The following EML4 variants were observed in gnomAD, a reference collection of about 807,000 sequenced individuals.
EML4 encodes the protein echinoderm microtubule-associated protein-like 4.
EML4 carries 72 observed loss-of-function variants against 129.0 expected under a neutral mutation model. That is an observed-to-expected ratio of 0.56 (90% confidence interval 0.46 to 0.68). The LOEUF (loss-of-function observed/expected upper bound fraction) is 0.68. Among genes scored for constraint, EML4 ranks in the 30% least tolerant of loss-of-function variants. EML4 has a pLI of 0.00. For missense variants in EML4, 1,363 were observed against 1,190.6 expected (o/e 1.14, Z -2.13); for synonymous variants, 532 against 405.0 (o/e 1.31, Z -3.77).
At chr2:42,226,609 A>T (rs1214444539) in intron 1 of EML4, among the ~76,000 whole-genome samples, 3 of 152,046 alleles carry the variant, frequency 2.0e-5, no homozygotes, top group African/African-American at 7.2e-5. Context: ...GTGAGGTGAG[A>T]TCGTGCCATT....
At chr2:42,278,917 C>T (rs1666842701) in intron 6 of EML4, among the ~76,000 whole-genome samples, 2 of 144,584 alleles carry the variant, frequency 1.4e-5, no homozygotes, top group Admixed American at 1.4e-4. Context: ...GCCTGGGCAA[C>T]AAGAGCGAAA....
At chr2:42,305,510 T>C (rs1668547686) in intron 17 of EML4, among the ~76,000 whole-genome samples, 1 of 152,250 alleles carries the variant, frequency 6.6e-6, no homozygotes, top group Non-Finnish European at 1.5e-5. Flanking sequence ...GTTTGTGCTA[T>C]ACCTTTTGCC....
intron 1 of EML4, among the ~76,000 whole-genome samples, chr2:42,232,129 C>T (rs1361384683): frequency 6.6e-6 from 1 of 152,008 alleles, no homozygotes; most frequent in Admixed American, 6.6e-5. Flanking sequence ...GATTCTTAAT[C>T]ATAGAAACAG....
intron 17 of EML4, among the ~76,000 whole-genome samples, chr2:42,313,776 A>C (rs1336254281): frequency 2.6e-5 from 4 of 151,840 alleles, no homozygotes; most frequent in Non-Finnish European, 5.9e-5. Context: ...AAAAATACAG[A>C]AAATTATCTG....
intron 1 of EML4, chr2:42,170,158 A>C (rs1670183598): frequency 6.5e-6 from 1 of 152,750 alleles, no homozygotes; most frequent in Non-Finnish European, 1.5e-5. Context: ...CCAAGTCTTC[A>C]CTTTAGATTT....
At chr2:42,182,467 A>G (rs1343932628) in intron 1 of EML4, among the ~76,000 whole-genome samples, 2 of 151,952 alleles carry the variant, frequency 1.3e-5, no homozygotes, top group South Asian at 2.1e-4. Flanking sequence ...GATACCCTGC[A>G]CTAAACTGAC....
chr2:42,310,035 C>T (rs1309935322), intron 17 of EML4, among the ~76,000 whole-genome samples: 1 of 152,118 alleles, frequency 6.6e-6, no homozygotes, highest in Admixed American at 6.6e-5. Flanking sequence ...AGGTGTCCAA[C>T]TTCATTCTTT....
At chr2:42,215,603 A>G (rs2104058923) in intron 1 of EML4, among the ~76,000 whole-genome samples, 1 of 152,260 alleles carries the variant, frequency 6.6e-6, no homozygotes, top group South Asian at 2.1e-4. Flanking sequence ...AAGATTCTGT[A>G]ATTAACATTT....
intron 1 of EML4, among the ~76,000 whole-genome samples, chr2:42,195,487 G>A (rs1177664471): frequency 1.3e-5 from 2 of 151,934 alleles, no homozygotes; most frequent in Non-Finnish European, 1.5e-5. Context: ...TGTGAAATCC[G>A]TTTGTTAGGT....
rs1223550905 is a variant in EML4, at chr2:42,330,838, A to G, written c.*631A>G. The G allele has an allele frequency of 5.3e-5, 11 of 209,420 alleles. No individual in the cohort carries two copies. The East Asian group carries it at 6.8e-4, about 13-fold the overall frequency. 13.0% of individuals were successfully genotyped at this position (209,420 alleles called of 1,614,324 possible). A position where few individuals can be genotyped will look rare whatever the true frequency, so the allele number is the denominator to read the frequency against. On this transcript the variant is annotated 3_prime_UTR_variant, in exon 23 of 23. Transcript: ENST00000318522. ...CTACTAGAGAGGTGCTGCCTTTTCTAAGTCATAATGAGGAACAGTCCCTTA... is the reference window on the plus strand; with the variant it reads ...CTACTAGAGAGGTGCTGCCTTTTCTGAGTCATAATGAGGAACAGTCCCTTA...
At position 42,295,378 on chromosome 2, in the gene EML4, T is replaced by C; in HGVS notation, c.1354-3T>C. 1 of 1,608,376 alleles carries C rather than the reference T, an allele frequency of 6.2e-7. No homozygotes were observed. Among genetic ancestry groups the C allele is most frequent in the Non-Finnish European group, 8.5e-7 (1 of 1,178,728 alleles). On this transcript the variant is annotated splice_region_variant and splice_polypyrimidine_tract_variant and intron_variant, in intron 12 of 22. Transcript: ENST00000318522. ...ACTGAAAATTTTTATTGTTTCCTTG[T>C]AGAAATATGAAAAGCCAAAATTTGT... is the stretch of plus-strand genomic sequence containing the variant.
intron 1 of EML4, among the ~76,000 whole-genome samples, chr2:42,195,263 A>G (rs762215889): frequency 2.0e-4 from 30 of 152,336 alleles, no homozygotes; most frequent in South Asian, 4.1e-4. Context: ...ACATTAGAGC[A>G]TATGCCTTAC....
intron 1 of EML4, among the ~76,000 whole-genome samples, chr2:42,245,061 T>A (rs1308725728): frequency 6.8e-6 from 1 of 148,014 alleles, no homozygotes; most frequent in Non-Finnish European, 1.5e-5. Flanking sequence ...CATGATGAGA[T>A]GTTATGGAGT....
At chr2:42,289,976 A>G (rs907527108) in intron 11 of EML4, 2 of 151,300 alleles carry the variant, frequency 1.3e-5, no homozygotes, top group African/African-American at 4.9e-5. Flanking sequence ...AACCCCAGCT[A>G]CCCTGGAGGC....
chr2:42,178,305 G>A (rs937465279), intron 1 of EML4, among the ~76,000 whole-genome samples: 1 of 152,038 alleles, frequency 6.6e-6, no homozygotes, highest in Non-Finnish European at 1.5e-5. Context: ...CACTTTGGGA[G>A]GCCAGGGTAG....
chr2:42,268,524 A>T lies in EML4; in HGVS notation c.667+3793A>T, dbSNP rs141207954. On this transcript the variant is annotated intron_variant, in intron 6 of 22. Coordinates refer to ENST00000318522, the MANE Select transcript of EML4 (RefSeq NM_019063.5). The stretch of plus-strand genomic sequence containing the variant: ...ACGATCATAACTCACTGCAGCCTTG[A>T]ACTCCGAGCTTGAGTGACCCTCCTG... Among the ~76,000 whole-genome samples the T allele has an allele frequency of 3.1e-3, 476 of 152,198 alleles. 1 individual carries two copies. The highest frequency in any genetic ancestry group is 0.011 in the African/African-American group (451 of 41,530).
chr2:42,294,204 T>C (rs1190251055), intron 11 of EML4, among the ~76,000 whole-genome samples: 2 of 152,252 alleles, frequency 1.3e-5, no homozygotes, highest in Non-Finnish European at 2.9e-5. Context: ...AGTCTCATGC[T>C]TGTATTCTTC....
intron 17 of EML4, among the ~76,000 whole-genome samples, chr2:42,311,180 G>T (rs982217120): frequency 1.3e-5 from 2 of 152,120 alleles, no homozygotes; most frequent in African/African-American, 4.8e-5. Context: ...TACATTCTCA[G>T]GGAGTGTCCA....
chr2:42,211,681 G>A (rs1387073057), intron 1 of EML4, among the ~76,000 whole-genome samples: 1 of 152,020 alleles, frequency 6.6e-6, no homozygotes, highest in South Asian at 2.1e-4. Context: ...TTGAAACAGT[G>A]ACATTTAAGT....
Sources: allele counts gnomAD v4.1 joint callset (sites outside exome capture counted in the v4.1 genomes callset), GRCh38; gene constraint gnomAD v4.1.1; transcripts MANE v1.5; gene names NCBI Gene and HGNC (gene_info 2026-07-23, HGNC 2026-07-21).